PEAK1: variants seen among roughly 807,000 people sequenced by gnomAD.
PEAK1 encodes inactive tyrosine-protein kinase PEAK1.
In PEAK1, 54 loss-of-function variants were observed where a neutral mutation model predicts 124.7. That is an observed-to-expected ratio of 0.43 (90% CI 0.35 to 0.54). PEAK1 has a LOEUF of 0.54. PEAK1 is among the 20% of genes least tolerant of loss of function. The pLI is 0.01. For missense variants in PEAK1, 2,046 were observed against 2,134.5 expected (o/e 0.96, Z 0.82); for synonymous variants, 719 against 760.0 (o/e 0.95, Z 0.89).
intron 8 of PEAK1, among the ~76,000 whole-genome samples, chr15:77,138,720 G>A (rs373516597): frequency 6.6e-6 from 1 of 152,084 alleles, no homozygotes; most frequent in African/African-American, 2.4e-5. Context: ...AAATTAGCCA[G>A]GCATGGTGGC....
At chr15:77,139,156 C>A (rs1406692571) in intron 8 of PEAK1, among the ~76,000 whole-genome samples, 1 of 152,076 alleles carries the variant, frequency 6.6e-6, no homozygotes, top group East Asian at 1.9e-4. Context: ...AAGGCCTACA[C>A]AGGGTCAAGA....
At chr15:77,275,750 G>A (rs917496774) in intron 5 of PEAK1, among the ~76,000 whole-genome samples, 13 of 151,350 alleles carry the variant, frequency 8.6e-5, no homozygotes, top group African/African-American at 3.1e-4. Flanking sequence ...TTTAAAAAAA[G>A]GAAAAAAGAA....
At chr15:77,271,426 C>T (rs556703863) in intron 5 of PEAK1, among the ~76,000 whole-genome samples, 1 of 152,296 alleles carries the variant, frequency 6.6e-6, no homozygotes, top group East Asian at 1.9e-4. Context: ...CCATCCATTA[C>T]TGGGTATATA....
At chr15:77,201,598 C>T (rs551265028) in intron 6 of PEAK1, among the ~76,000 whole-genome samples, 1 of 152,114 alleles carries the variant, frequency 6.6e-6, no homozygotes, top group South Asian at 2.1e-4. Flanking sequence ...GCCAAAGTGG[C>T]TAATCAAGAA....
At chr15:77,211,891 A>G (rs1002552203) in intron 6 of PEAK1, among the ~76,000 whole-genome samples, 2 of 150,002 alleles carry the variant, frequency 1.3e-5, no homozygotes, top group African/African-American at 2.4e-5. Flanking sequence ...AAGATGTTTG[A>G]TCATAATTTA....
intron 6 of PEAK1, among the ~76,000 whole-genome samples, chr15:77,213,637 C>A (rs554822035): frequency 3.3e-5 from 5 of 151,974 alleles, no homozygotes; most frequent in Admixed American, 2.0e-4. Context: ...TGCAGTGAGC[C>A]GAGATCGCAT....
chr15:77,401,407 T>C (rs2071366636), intron 1 of PEAK1: 8 of 706,560 alleles, frequency 1.1e-5, no homozygotes, highest in African/African-American at 7.8e-5. Context: ...TTAAGAATAC[T>C]TTTTCTTGTT....
intron 2 of PEAK1, among the ~76,000 whole-genome samples, chr15:77,290,375 C>T (rs534683975): frequency 6.6e-6 from 1 of 152,242 alleles, no homozygotes; most frequent in South Asian, 2.1e-4. Flanking sequence ...CTGTCTTGGC[C>T]TCCCAAAGTG....
Position 77,133,309 on chromosome 15 carries a change from C to T in PEAK1, c.3773G>A (p.Arg1258His), listed in dbSNP as rs369794231. Reference protein sequence around the residue: ...SNSMESLSSRRGPSCRQGRGI... With the variant: ...SNSMESLSSRHGPSCRQGRGI... ...TCGGCCCTGTCTGCAAGAGGGCCCA[C>T]GCCGGCTGGAGAGGGATTCCATGCT... is the stretch of plus-strand genomic sequence containing the variant. Residue 1258 changes from arginine (R) to histidine (H), a missense_variant, in exon 9 of 10, where the codon CGT becomes CAT. Coordinates refer to ENST00000682557, the MANE Select transcript of PEAK1 (RefSeq NM_001385026.1). The surrounding 1 kb of genome is among the most constrained non-coding windows in gnomAD (Gnocchi z 4.2). 5.6e-6 allele frequency: 9 copies of T among 1,614,226 alleles called. No homozygotes were observed. The highest frequency in any genetic ancestry group is 1.6e-4 in the Middle Eastern group (1 of 6,062).
At chr15:77,249,216 A>G (rs2060730432) in intron 6 of PEAK1, among the ~76,000 whole-genome samples, 1 of 152,118 alleles carries the variant, frequency 6.6e-6, no homozygotes, top group African/African-American at 2.4e-5. Context: ...CATTGTAAAT[A>G]ATGCTTTAAA....
chr15:77,396,431 T>C (rs1393797635), intron 1 of PEAK1, among the ~76,000 whole-genome samples: 2 of 151,796 alleles, frequency 1.3e-5, no homozygotes, highest in Non-Finnish European at 2.9e-5. Context: ...AGTAATAATA[T>C]TGAAAGTAAA....
At chr15:77,403,804 G>A in intron 1 of PEAK1, 1 of 980,898 alleles carries the variant, frequency 1.0e-6, no homozygotes, top group Non-Finnish European at 1.2e-6. Flanking sequence ...TTAAAAAAAA[G>A]CTTATTCAAT....
rs983511116 is a variant in PEAK1 at position 77,347,590 on chromosome 15, T to C, written c.-603+17573A>G. ...CTGGATGTATTTGTCCTAATACTTG[T>C]TTGACCTACACATTTGAGATAGCCC... On this transcript the variant is annotated intron_variant, in intron 2 of 9. Coordinates refer to ENST00000682557, the MANE Select transcript of PEAK1 (RefSeq NM_001385026.1). 9.1e-6 allele frequency: 9 copies of C among 985,236 alleles called. No homozygotes were observed. In the East Asian group the frequency reaches 9.1e-4, roughly 99 times the overall value. The allele number at this position is 985,236 out of a possible 1,614,324, so 61.0% of individuals were successfully genotyped here.
intron 2 of PEAK1, chr15:77,350,203 G>A (rs1205506922): frequency 3.0e-6 from 3 of 985,296 alleles, no homozygotes; most frequent in Non-Finnish European, 3.6e-6. Flanking sequence ...CTGTTGTTGG[G>A]TAGGTGAGAA....
chr15:77,404,290 A>C (rs1041930711), intron 1 of PEAK1: 1 of 985,396 alleles, frequency 1.0e-6, no homozygotes, highest in South Asian at 4.7e-5. Flanking sequence ...GCAAAGTGAT[A>C]TTTTATTGCA....
chr15:77,420,631 A>G (rs545796808), upstream of PEAK1: 2 of 378,148 alleles, frequency 5.3e-6, no homozygotes, highest in East Asian at 7.5e-5. Flanking sequence ...CAATAAAAAA[A>G]AAAAAACTAC....
chr15:77,120,736 T>C (rs2051836336), intron 9 of PEAK1, among the ~76,000 whole-genome samples: 1 of 152,222 alleles, frequency 6.6e-6, no homozygotes, highest in African/African-American at 2.4e-5. Context: ...TTAAATTTCC[T>C]AGCGGCTCCG....
At chr15:77,333,142 CTT>C (rs931271668) in intron 2 of PEAK1, 8 of 962,092 alleles carry the variant, frequency 8.3e-6, no homozygotes, top group Admixed American at 1.2e-4. Context: ...AACTAAAACA[CTT>C]TATTTATTTA....
At chr15:77,271,821 A>C (rs572221524) in intron 5 of PEAK1, among the ~76,000 whole-genome samples, 30 of 152,236 alleles carry the variant, frequency 2.0e-4, no homozygotes, top group African/African-American at 7.2e-4. Context: ...TAGGAGACAT[A>C]CCTAATGTAA....
Sources: gnomAD v4.1 joint callset for allele counts (sites outside exome capture counted in the v4.1 genomes callset) on GRCh38, gnomAD v4.1.1 for gene constraint, Gnocchi (gnomAD v3.1) non-coding constraint, MANE v1.5 for transcripts, NCBI Gene and HGNC (gene_info 2026-07-23, HGNC 2026-07-21) for gene names.